TLN2: variants seen among roughly 807,000 people sequenced by gnomAD.
TLN2 encodes talin 2.
TLN2 carries 118 observed loss-of-function variants against 294.7 expected under a neutral mutation model. The observed-to-expected ratio is 0.40, with a 90% CI of 0.34 to 0.47. TLN2 has a LOEUF of 0.47. Among genes scored for constraint, TLN2 ranks in the 20% least tolerant of loss-of-function variants. TLN2 has a pLI of 0.84. For synonymous variants in TLN2, 1,431 were observed against 1,304.5 expected, an observed-to-expected ratio of 1.10 and a Z score of -2.09; for missense variants, 3,083 against 3,282.2, an observed-to-expected ratio of 0.94 and a Z score of 1.48.
At chr15:62,661,214 TAAATC>T (rs1176371660) in intron 9 of TLN2, among the ~76,000 whole-genome samples, 1 of 152,178 alleles carries the variant, frequency 6.6e-6, no homozygotes, top group Non-Finnish European at 1.5e-5. Context: ...CTTCAGCTCT[TAAATC>T]AAGTATACAT....
At chr15:62,412,069 A>G (rs371085550) in intron 1 of TLN2, among the ~76,000 whole-genome samples, 3 of 152,062 alleles carry the variant, frequency 2.0e-5, no homozygotes, top group African/African-American at 7.2e-5. Flanking sequence ...ACTGGGTTAG[A>G]TCATAAGTCT....
At position 62,842,978 on chromosome 15, in the gene TLN2, G is replaced by T. The variant is rs994906742; in HGVS notation, c.*2368G>T. Reference sequence around the variant, plus strand: ...TAAGATAGTTGAAGGGCCATGCCTTGTCTGGATGTTATTTAATAGGCACTA... The same window carrying T: ...TAAGATAGTTGAAGGGCCATGCCTTTTCTGGATGTTATTTAATAGGCACTA... On this transcript the variant is annotated 3_prime_UTR_variant, in exon 59 of 59. Coordinates refer to ENST00000636159, the MANE Select transcript of TLN2 (RefSeq NM_015059.3). 2.0e-5 allele frequency: 3 copies of T among 152,342 alleles called. No homozygotes were observed. Among genetic ancestry groups the T allele is most frequent in the African/African-American group, 7.2e-5 (3 of 41,582 alleles). The allele number at this position is 152,342 out of a possible 1,614,324, so 9.4% of individuals were successfully genotyped here. A position where few individuals can be genotyped will look rare whatever the true frequency, so the allele number is the denominator to read the frequency against.
At chr15:62,631,870 A>G (rs1421076717) in intron 3 of TLN2, among the ~76,000 whole-genome samples, 2 of 151,992 alleles carry the variant, frequency 1.3e-5, no homozygotes, top group East Asian at 1.9e-4. Context: ...ATGAGCCACC[A>G]TGCCCGGCCT....
intron 1 of TLN2, among the ~76,000 whole-genome samples, chr15:62,589,261 T>G (rs952741880): frequency 1.3e-5 from 2 of 152,144 alleles, no homozygotes; most frequent in Non-Finnish European, 2.9e-5. Context: ...AGGGACCACT[T>G]CACAGATGTG....
At chr15:62,587,178 A>G (rs1350520010) in intron 1 of TLN2, among the ~76,000 whole-genome samples, 1 of 152,246 alleles carries the variant, frequency 6.6e-6, no homozygotes, top group East Asian at 1.9e-4. Flanking sequence ...CACTAAGAGC[A>G]CATGTGTGCA....
chr15:62,737,575 TAGATG>T (rs1387245698), intron 29 of TLN2, among the ~76,000 whole-genome samples: 1 of 152,110 alleles, frequency 6.6e-6, no homozygotes, highest in East Asian at 1.9e-4. Context: ...GGAGATGGCT[TAGATG>T]AGAGGGAATG....
At chr15:62,752,679 C>T (rs1449086067) in intron 35 of TLN2, among the ~76,000 whole-genome samples, 2 of 152,210 alleles carry the variant, frequency 1.3e-5, no homozygotes, top group African/African-American at 4.8e-5. Context: ...CAGAGGCCAA[C>T]TTTTCAATCC....
chr15:62,807,491 T>A (rs1370947859), intron 51 of TLN2, among the ~76,000 whole-genome samples: 1 of 152,208 alleles, frequency 6.6e-6, no homozygotes, highest in Non-Finnish European at 1.5e-5. Flanking sequence ...GCCTCCCAGA[T>A]GTAATGTTCA....
intron 57 of TLN2, chr15:62,838,158 A>G (rs2070014977): frequency 1.3e-5 from 2 of 152,184 alleles, no homozygotes. Context: ...CTGAGACCCT[A>G]AAAGTACGAG....
At position 62,755,445 on chromosome 15, in the gene TLN2, T is replaced by G. The variant is rs2062185617; in HGVS notation, c.4477-87T>G. 2.7e-6 allele frequency: 4 copies of G among 1,476,932 alleles called. No homozygotes were observed. The East Asian group carries it at 9.9e-5, about 37-fold the overall frequency. 91.5% of individuals were successfully genotyped at this position (1,476,932 alleles called of 1,614,324 possible). ...ATTACACAGGCTCTGAACATGTGAG[T>G]TGAACAGGAACCCAGGGCTGAGGAC... On this transcript the variant is annotated intron_variant, in intron 36 of 58. Coordinates refer to ENST00000636159, the MANE Select transcript of TLN2 (RefSeq NM_015059.3).
intron 1 of TLN2, among the ~76,000 whole-genome samples, chr15:62,533,471 G>C (rs1161260677): frequency 6.6e-6 from 1 of 151,852 alleles, no homozygotes; most frequent in Non-Finnish European, 1.5e-5. Context: ...TTAGTTGTAA[G>C]AGCCCTAATT....
At chr15:62,545,406 T>A (rs979179434) in intron 1 of TLN2, among the ~76,000 whole-genome samples, 2 of 152,030 alleles carry the variant, frequency 1.3e-5, no homozygotes, top group African/African-American at 4.8e-5. Context: ...AGAAAAAGGA[T>A]GGAGGAAAAG....
At chr15:62,742,617 A>C (rs1037372143) in intron 32 of TLN2, among the ~76,000 whole-genome samples, 4 of 152,032 alleles carry the variant, frequency 2.6e-5, no homozygotes, top group African/African-American at 9.7e-5. Context: ...AAGAAAGGAC[A>C]TGGGGAAAAG....
At chr15:62,603,853 G>A (rs2047197423) in intron 2 of TLN2, among the ~76,000 whole-genome samples, 1 of 152,196 alleles carries the variant, frequency 6.6e-6, no homozygotes, top group Non-Finnish European at 1.5e-5. Flanking sequence ...GTATTGCTAG[G>A]CCAAAGGCTA....
Position 62,512,133 on chromosome 15 carries a change from G to T in TLN2, c.-237-77554G>T, listed in dbSNP as rs1480034350. ...CTGGAAGCAGAAAAGTCTAAGCTTA[G>T]TATACTTTGGATGATGTTTTTTACA... On this transcript the variant is annotated intron_variant, in intron 1 of 58. Transcript: ENST00000636159. Among the ~76,000 whole-genome samples the T allele has an allele frequency of 2.6e-5, 4 of 152,252 alleles. No individual in the cohort carries two copies. The South Asian group carries it at 6.2e-4, about 24-fold the overall frequency.
chr15:62,469,917 C>G (rs975903817), intron 1 of TLN2, among the ~76,000 whole-genome samples: 1 of 151,998 alleles, frequency 6.6e-6, no homozygotes, highest in East Asian at 1.9e-4. Context: ...GGGCATGGCT[C>G]TTGCGTGTGG....
intron 9 of TLN2, among the ~76,000 whole-genome samples, chr15:62,659,868 T>C (rs2053624747): frequency 6.6e-6 from 1 of 152,178 alleles, no homozygotes; most frequent in African/African-American, 2.4e-5. Context: ...AGGTAAAACT[T>C]CTTGAGGATA....
intron 43 of TLN2, among the ~76,000 whole-genome samples, chr15:62,778,244 A>G (rs369285803): frequency 1.9e-4 from 29 of 152,226 alleles, no homozygotes; most frequent in African/African-American, 7.0e-4. Flanking sequence ...TTGTCAAATC[A>G]TCCATCAGTT....
At chr15:62,628,686 C>T (rs1350687997) in intron 3 of TLN2, among the ~76,000 whole-genome samples, 2 of 152,154 alleles carry the variant, frequency 1.3e-5, no homozygotes, top group Non-Finnish European at 2.9e-5. Flanking sequence ...CGCACTGGAG[C>T]AGAAGGTTGC....
Sources: gnomAD v4.1 joint callset for allele counts (sites outside exome capture counted in the v4.1 genomes callset) on GRCh38, gnomAD v4.1.1 for gene constraint, MANE v1.5 for transcripts, NCBI Gene and HGNC (gene_info 2026-07-23, HGNC 2026-07-21) for gene names.